The following COMMD1 variants were observed in gnomAD, a reference collection of about 807,000 sequenced individuals.
The protein encoded by COMMD1 is copper metabolism domain containing 1.
A neutral mutation model predicts 17.2 loss-of-function variants in COMMD1; 10 were observed. The observed-to-expected ratio is 0.58, with a 90% confidence interval of 0.36 to 0.99. The LOEUF is 0.99. Ranked by LOEUF, COMMD1 falls within the 50% of genes least tolerant of loss-of-function variation. COMMD1 has a pLI of 0.01. For synonymous variants in COMMD1, 97 were observed against 91.6 expected (o/e 1.06, Z -0.34); for missense variants, 270 against 231.8 (o/e 1.17, Z -1.07).
intron 2 of COMMD1, chr2:62,069,426 A>G (rs1671140166): frequency 6.6e-6 from 1 of 152,228 alleles, no homozygotes; most frequent in African/African-American, 2.4e-5. Context: ...CTGATAGGAA[A>G]TAATGTGACA....
At chr2:61,889,781 C>T (rs1172193577) in intron 1 of COMMD1, among the ~76,000 whole-genome samples, 1 of 152,156 alleles carries the variant, frequency 6.6e-6, no homozygotes, top group African/African-American at 2.4e-5. Flanking sequence ...TTGTTCTACA[C>T]TAGTGTCTCC....
At chr2:61,929,612 A>G (rs1157167337) in intron 1 of COMMD1, among the ~76,000 whole-genome samples, 1 of 152,178 alleles carries the variant, frequency 6.6e-6, no homozygotes, top group Non-Finnish European at 1.5e-5. Context: ...ACACTTCCTT[A>G]TGAAAGCTCT....
chr2:62,117,322 G>A (rs934420253), intron 2 of COMMD1, among the ~76,000 whole-genome samples: 1 of 152,350 alleles, frequency 6.6e-6, no homozygotes. Context: ...ACTTAAGGTT[G>A]ACTCTGAGTG....
chr2:61,905,863 T>A lies in COMMD1; in HGVS notation c.180+5T>A, dbSNP rs770612722. ...AAGATGAGGGGGATTCTTAAGGTACTGCTCTTTTCTGTAGTCTCCGGCTTG... is the reference window on the plus strand; with the variant it reads ...AAGATGAGGGGGATTCTTAAGGTACAGCTCTTTTCTGTAGTCTCCGGCTTG... On this transcript the variant is annotated splice_donor_5th_base_variant and intron_variant, in intron 1 of 2. Transcript: ENST00000311832. 2.3e-5 allele frequency: 37 copies of A among 1,614,016 alleles called. 1 individual carries two copies. In the South Asian group the frequency reaches 4.0e-4, roughly 17 times the overall value.
chr2:62,008,293 T>C (rs2088059233), intron 2 of COMMD1, among the ~76,000 whole-genome samples: 1 of 152,052 alleles, frequency 6.6e-6, no homozygotes, highest in African/African-American at 2.4e-5. Context: ...CTTTGTGTCA[T>C]AGGGGAAGCA....
At chr2:62,027,047 G>A (rs987783929) in intron 2 of COMMD1, among the ~76,000 whole-genome samples, 2 of 151,980 alleles carry the variant, frequency 1.3e-5, no homozygotes, top group African/African-American at 4.8e-5. Context: ...TTTATTTAGT[G>A]ATAACCATTG....
At chr2:61,992,793 T>C (rs1324227664) in intron 1 of COMMD1, among the ~76,000 whole-genome samples, 2 of 152,132 alleles carry the variant, frequency 1.3e-5, no homozygotes, top group Admixed American at 1.3e-4. Context: ...GTTTATCAGT[T>C]TTCAAATTTT....
chr2:62,116,801 A>C (rs1672619008), intron 2 of COMMD1, among the ~76,000 whole-genome samples: 1 of 151,498 alleles, frequency 6.6e-6, no homozygotes, highest in Non-Finnish European at 1.5e-5. Flanking sequence ...AGCCTGACCA[A>C]CCTGACCAAC....
At chr2:61,913,160 A>G (rs2105180901) in intron 1 of COMMD1, among the ~76,000 whole-genome samples, 1 of 152,228 alleles carries the variant, frequency 6.6e-6, no homozygotes, top group South Asian at 2.1e-4. Context: ...TGAGGCCAGG[A>G]GTTCGAGGCC....
chr2:62,072,160 A>G (rs1184979827), intron 2 of COMMD1, among the ~76,000 whole-genome samples: 2 of 152,152 alleles, frequency 1.3e-5, no homozygotes, highest in Non-Finnish European at 2.9e-5. Context: ...CATGCTGCTG[A>G]TAGTGACAGG....
At chr2:61,991,534 T>A (rs987359630) in intron 1 of COMMD1, among the ~76,000 whole-genome samples, 9 of 152,146 alleles carry the variant, frequency 5.9e-5, no homozygotes, top group Non-Finnish European at 1.2e-4. Flanking sequence ...TTCATTGAGG[T>A]AAGTGCAGGG....
chr2:62,111,825 C>T (rs964841541), intron 2 of COMMD1, among the ~76,000 whole-genome samples: 2 of 152,102 alleles, frequency 1.3e-5, no homozygotes, highest in African/African-American at 4.8e-5. Flanking sequence ...CCCCAACAGT[C>T]CCATTAGTAG....
intron 2 of COMMD1, among the ~76,000 whole-genome samples, chr2:62,083,729 A>G (rs573020142): frequency 6.6e-5 from 10 of 152,234 alleles, no homozygotes; most frequent in Admixed American, 5.9e-4. Flanking sequence ...TTTTTTAACA[A>G]GTTTTGCCCA....
rs190870358 is a variant in COMMD1, at chr2:61,892,899, G to A, written n.119+4057G>A. On this transcript the variant is annotated intron_variant and non_coding_transcript_variant, in intron 1 of 2. Coordinates refer to the COMMD1 transcript ENST00000472729. ...TTTTTCCCCCCTGAAACGGAGTCTC[G>A]CTCTGTCGCCCAGCCTGGAGTGCAG... Among the ~76,000 whole-genome samples the A allele has an allele frequency of 1.1e-4, 16 of 151,496 alleles. No homozygotes were observed. The East Asian group carries it at 2.5e-3, about 24-fold the overall frequency.
At chr2:62,015,072 C>A (rs1008011869) in intron 2 of COMMD1, among the ~76,000 whole-genome samples, 1 of 152,158 alleles carries the variant, frequency 6.6e-6, no homozygotes, top group African/African-American at 2.4e-5. Context: ...TACAGATGAG[C>A]CACTGCATCC....
chr2:62,012,035 G>A (rs1041225001), intron 2 of COMMD1, among the ~76,000 whole-genome samples: 1 of 152,016 alleles, frequency 6.6e-6, no homozygotes, highest in Non-Finnish European at 1.5e-5. Context: ...ATCATTTGAG[G>A]TCAGGAGTTT....
chr2:62,067,536 T>G (rs1316170930), intron 2 of COMMD1, among the ~76,000 whole-genome samples: 1 of 152,164 alleles, frequency 6.6e-6, no homozygotes, highest in Non-Finnish European at 1.5e-5. Flanking sequence ...GCTTGCAAAT[T>G]TATTTAATAT....
chr2:61,976,208 AAAAG>A (rs1415428034), intron 1 of COMMD1, among the ~76,000 whole-genome samples: 21 of 151,946 alleles, frequency 1.4e-4, no homozygotes, highest in Non-Finnish European at 2.8e-4. Context: ...TAAAAAAAAA[AAAAG>A]AAAAAAATAC....
At chr2:62,009,654 T>A (rs538623388) in intron 2 of COMMD1, among the ~76,000 whole-genome samples, 1 of 152,002 alleles carries the variant, frequency 6.6e-6, no homozygotes, top group African/African-American at 2.4e-5. Context: ...TAGAAAGTTG[T>A]TATAATTTTT....
Sources: gnomAD v4.1 joint callset for allele counts (sites outside exome capture counted in the v4.1 genomes callset) on GRCh38, gnomAD v4.1.1 for gene constraint, MANE v1.5 for transcripts, NCBI Gene and HGNC (gene_info 2026-07-23, HGNC 2026-07-21) for gene names.